The following ALDH18A1 variants were observed in gnomAD, a reference collection of about 807,000 sequenced individuals.
ALDH18A1 encodes aldehyde dehydrogenase 18 family member A1, also known as delta-1-pyrroline-5-carboxylate synthase.
A neutral mutation model predicts 88.8 loss-of-function variants in ALDH18A1; 44 were observed. The ratio of observed to expected loss-of-function variants is 0.50; its 90% confidence interval spans 0.39 to 0.64. The LOEUF (loss-of-function observed/expected upper bound fraction) is 0.64, where lower values mean the gene tolerates loss of function less well. Ranked by LOEUF, ALDH18A1 falls within the 30% of genes least tolerant of loss-of-function variation. The pLI, the probability that ALDH18A1 is intolerant of heterozygous loss-of-function variation, is 0.00. For synonymous variants in ALDH18A1, 331 were observed against 372.1 expected, an observed-to-expected ratio of 0.89 and a Z score of 1.27; for missense variants, 782 against 1,009.5, an observed-to-expected ratio of 0.77 and a Z score of 3.05.
At chr10:95,634,952 T>G (rs1261089827) in intron 5 of ALDH18A1, among the ~76,000 whole-genome samples, 1 of 151,854 alleles carries the variant, frequency 6.6e-6, no homozygotes, top group Non-Finnish European at 1.5e-5. Context: ...ACAGTCAAAG[T>G]GAGGATGGTT....
chr10:95,619,846 C>T (rs2097849494), intron 12 of ALDH18A1, among the ~76,000 whole-genome samples: 1 of 152,134 alleles, frequency 6.6e-6, no homozygotes, highest in Non-Finnish European at 1.5e-5. Flanking sequence ...TAGAAGAAAA[C>T]CTAGGCAATA....
At chr10:95,641,526 G>T (rs572539453) in intron 3 of ALDH18A1, among the ~76,000 whole-genome samples, 1 of 139,956 alleles carries the variant, frequency 7.1e-6, no homozygotes, top group Non-Finnish European at 1.6e-5. Flanking sequence ...GGGGCGGGTG[G>T]GGGGGTGGTC....
intron 1 of ALDH18A1, among the ~76,000 whole-genome samples, chr10:95,655,673 G>A (rs1464087972): frequency 2.2e-5 from 2 of 91,564 alleles, no homozygotes; most frequent in African/African-American, 7.3e-5. Context: ...ATCCCAAGGA[G>A]CAAAGAGAGT....
chr10:95,637,342 A>T lies in ALDH18A1; in HGVS notation c.398T>A (p.Leu133Gln). The change falls in exon 4 of 18, where the codon CTG becomes CAG. Residue 133 changes from leucine to glutamine, a missense_variant. By Grantham distance (113) the Leu-to-Gln change is moderately radical (BLOSUM62 -2). Around this residue, in one of 3 missense-constraint regions of ALDH18A1, gnomAD observed 132 missense variants for 255.5 expected, o/e 0.52. Transcript: ENST00000371224. ...GAGGGCCTGCCGCACGCTCTGAGAC[A>T]GAAGGATCTCATGGCGCAAGCGTTG... Reference protein sequence around the residue: ...GKQRLRHEILLSQSVRQALHS... With the variant: ...GKQRLRHEILQSQSVRQALHS... 6.2e-7 allele frequency: 1 copy of T among 1,614,258 alleles called. No homozygotes were observed.
At chr10:95,636,711 C>T (rs2097881348) in intron 5 of ALDH18A1, among the ~76,000 whole-genome samples, 1 of 152,188 alleles carries the variant, frequency 6.6e-6, no homozygotes, top group Non-Finnish European at 1.5e-5. Flanking sequence ...GAGAAGCAAG[C>T]CACCTGAAAT....
chr10:95,628,159 C>T (rs1230157866), intron 8 of ALDH18A1, among the ~76,000 whole-genome samples: 1 of 152,112 alleles, frequency 6.6e-6, no homozygotes, highest in East Asian at 1.9e-4. Flanking sequence ...ACTGTTCATA[C>T]AATATTAATG....
intron 9 of ALDH18A1, 123 bp from the exon 10 acceptor site, chr10:95,626,899 G>T: frequency 2.1e-6 from 2 of 948,032 alleles, no homozygotes; most frequent in Non-Finnish European, 3.3e-6. Flanking sequence ...AACACATGAT[G>T]TCTTGGTATG....
At chr10:95,644,262 G>A (rs559898432) in intron 2 of ALDH18A1, among the ~76,000 whole-genome samples, 121 of 152,306 alleles carry the variant, frequency 7.9e-4, no homozygotes, top group African/African-American at 2.8e-3. Flanking sequence ...GATGAATCCA[G>A]ATGCCTGTAA....
At chr10:95,656,333 TC>T (rs1423581634) in intron 1 of ALDH18A1, 12 of 152,382 alleles carry the variant, frequency 7.9e-5, no homozygotes, top group African/African-American at 2.6e-4. Flanking sequence ...CCCGTAGCCA[TC>T]CGTAGATCCC....
intron 2 of ALDH18A1, among the ~76,000 whole-genome samples, chr10:95,646,599 G>C (rs1458768729): frequency 6.6e-6 from 1 of 152,014 alleles, no homozygotes; most frequent in African/African-American, 2.4e-5. Context: ...ACCTTTCTTG[G>C]GGGTATTTTT....
rs749606332 is a variant in ALDH18A1 at position 95,633,481 on chromosome 10, C to T, written c.717+10G>A. The T allele has an allele frequency of 1.9e-6, 3 of 1,614,132 alleles. No homozygotes were observed. On this transcript the variant is annotated intron_variant, in intron 6 of 17. Coordinates refer to ENST00000371224, the MANE Select transcript of ALDH18A1 (RefSeq NM_002860.4). ...CCAGCATGCTAAACCCTTAGAAATA[C>T]TTTACCCACATTTACCCCCTGCAGG... is the stretch of plus-strand genomic sequence containing the variant.
At chr10:95,654,166 C>CTTTT (rs34306795) in intron 1 of ALDH18A1, among the ~76,000 whole-genome samples, 1 of 138,438 alleles carries the variant, frequency 7.2e-6, no homozygotes, top group Admixed American at 7.3e-5. Flanking sequence ...ATTATTGTAG[C>CTTTT]TTTTTTTTTT....
chr10:95,622,354 T>C (rs1393972377), intron 11 of ALDH18A1, among the ~76,000 whole-genome samples: 2 of 152,060 alleles, frequency 1.3e-5, no homozygotes, highest in African/African-American at 4.8e-5. Context: ...CGTATCACCA[T>C]GGCTGGCTAA....
At chr10:95,647,902 G>A (rs889426256) in intron 2 of ALDH18A1, among the ~76,000 whole-genome samples, 2 of 152,236 alleles carry the variant, frequency 1.3e-5, no homozygotes, top group African/African-American at 4.8e-5. Flanking sequence ...AGGGTGGCGT[G>A]CCCCGGAAGG....
chr10:95,609,767 C>CTTTTTTTTT (rs1193875091), intron 17 of ALDH18A1, among the ~76,000 whole-genome samples: 1 of 30,696 alleles, frequency 3.3e-5, no homozygotes. Context: ...AAGTCTGTCT[C>CTTTTTTTTT]TATTTTTTTT....
chr10:95,627,711 T>C (rs2097862462), intron 8 of ALDH18A1, 125 bp from the exon 9 acceptor site: 2 of 1,214,638 alleles, frequency 1.6e-6, no homozygotes, highest in Admixed American at 3.7e-5. Flanking sequence ...AGAATGTTTT[T>C]AAAAGCTTAG....
intron 2 of ALDH18A1, 140 bp downstream of exon 2, chr10:95,653,150 T>C (rs2139669422): frequency 5.1e-6 from 4 of 782,554 alleles, no homozygotes; most frequent in South Asian, 1.5e-5. Flanking sequence ...TTTGTGCCAC[T>C]GCACTCCAGC....
chr10:95,645,910 G>C (rs1216677570), intron 2 of ALDH18A1, among the ~76,000 whole-genome samples: 3 of 152,094 alleles, frequency 2.0e-5, no homozygotes, highest in Non-Finnish European at 4.4e-5. Flanking sequence ...TAATAATATA[G>C]GTACCCTACT....
intron 17 of ALDH18A1, among the ~76,000 whole-genome samples, chr10:95,608,550 G>A (rs1237178254): frequency 6.6e-6 from 1 of 152,228 alleles, no homozygotes; most frequent in African/African-American, 2.4e-5. Flanking sequence ...CTCCCAGGCT[G>A]GAGTACAATG....
Sources: gnomAD v4.1 joint callset for allele counts (sites outside exome capture counted in the v4.1 genomes callset) on GRCh38, gnomAD v4.1.1 for gene constraint, gnomAD v4.1.1 regional missense constraint, MANE v1.5 for transcripts, NCBI Gene and HGNC (gene_info 2026-07-23, HGNC 2026-07-21) for gene names.